Variants in CCDC15 observed in about 807,000 individuals in gnomAD.
CCDC15 encodes coiled-coil domain containing 15, also known as coiled-coil domain-containing protein 15.
CCDC15 carries 105 observed loss-of-function variants against 114.5 expected under a neutral mutation model. The observed-to-expected ratio is 0.92, with a 90% confidence interval of 0.78 to 1.08. The LOEUF (loss-of-function observed/expected upper bound fraction) is 1.08. CCDC15 is among the 50% of genes least tolerant of loss of function. CCDC15 has a pLI of 0.00. For missense variants in CCDC15, 1,105 were observed against 1,093.6 expected, an observed-to-expected ratio of 1.01 and a Z score of -0.15; for synonymous variants, 334 against 377.8, an observed-to-expected ratio of 0.88 and a Z score of 1.34.
In CCDC15 at chr11:124,986,705, G is replaced by T. The variant is rs374859694; in HGVS notation, c.754-37G>T. ...TGTGTGTGTGTTTGTGTGTGTGCGC[G>T]CGCGCGCGTGCGCGTTTTCATTGTT... On this transcript the variant is annotated intron_variant, in intron 6 of 15. Coordinates refer to ENST00000344762, the MANE Select transcript of CCDC15 (RefSeq NM_025004.3). 5 of 1,437,162 alleles carry T rather than the reference G, an allele frequency of 3.5e-6. No individual in the cohort carries two copies. The Admixed American group carries it at 9.0e-5, about 26-fold the overall frequency. The allele number at this position is 1,437,162 out of a possible 1,614,324, so 89.0% of individuals were successfully genotyped here.
chr11:124,995,611 C>T (rs1289191306), intron 11 of CCDC15, among the ~76,000 whole-genome samples: 1 of 152,122 alleles, frequency 6.6e-6, no homozygotes, highest in Non-Finnish European at 1.5e-5. Flanking sequence ...CAAGACACGA[C>T]ACTCAAATTT....
chr11:124,981,269 T>C (rs1439854240), intron 6 of CCDC15, among the ~76,000 whole-genome samples: 3 of 152,196 alleles, frequency 2.0e-5, no homozygotes, highest in Non-Finnish European at 4.4e-5. Flanking sequence ...GTGGAGAGTT[T>C]TGTAGATATC....
At chr11:124,962,656 T>A (rs1294131768) in intron 4 of CCDC15, among the ~76,000 whole-genome samples, 1 of 152,182 alleles carries the variant, frequency 6.6e-6, no homozygotes, top group Non-Finnish European at 1.5e-5. Context: ...TTCTTTTTTT[T>A]TTTTTATTAT....
rs878887902 is a variant in CCDC15 at position 124,986,700 on chromosome 11, T to TGTGTGTGTGTGTGCGCGCGC, written c.754-41_754-40insTGTGTGTGTGTGCGCGCGCG. On this transcript the variant is annotated intron_variant, in intron 6 of 15. Coordinates refer to ENST00000344762, the MANE Select transcript of CCDC15 (RefSeq NM_025004.3). ...GTGTGTGTGTGTGTGTTTGTGTGTG[T>TGTGTGTGTGTGTGCGCGCGC]GCGCGCGCGCGCGTGCGCGTTTTCA... 9.6e-6 allele frequency: 13 copies of TGTGTGTGTGTGTGCGCGCGC among 1,352,948 alleles called. No homozygotes were observed. The African/African-American group carries it at 1.3e-4, about 14-fold the overall frequency. The allele number at this position is 1,352,948 out of a possible 1,614,324, so 83.8% of individuals were successfully genotyped here.
chr11:124,980,552 G>A (rs549563786), intron 6 of CCDC15, among the ~76,000 whole-genome samples: 28 of 152,276 alleles, frequency 1.8e-4, no homozygotes, highest in African/African-American at 6.3e-4. Flanking sequence ...TCTAGCTTGT[G>A]TGCATAGAGG....
intron 5 of CCDC15, 108 bp from the exon 6 acceptor site, chr11:124,977,370 C>A: frequency 9.0e-7 from 1 of 1,110,914 alleles, no homozygotes; most frequent in Non-Finnish European, 1.2e-6. Flanking sequence ...TATTAGACTA[C>A]CAAAACCTAC....
chr11:124,984,592 C>T (rs748019154), intron 6 of CCDC15, among the ~76,000 whole-genome samples: 7 of 152,126 alleles, frequency 4.6e-5, no homozygotes, highest in Non-Finnish European at 7.4e-5. Context: ...GGCTTTGCAC[C>T]GGCTGGAATT....
chr11:124,954,605 G>A, intron 1 of CCDC15, 119 bp from the exon 2 acceptor site: 1 of 736,764 alleles, frequency 1.4e-6, no homozygotes, highest in South Asian at 2.0e-5. Context: ...TCCACTTCAT[G>A]CCAGGCTTCT....
intron 6 of CCDC15, among the ~76,000 whole-genome samples, chr11:124,984,002 G>T (rs1007489508): frequency 1.3e-5 from 2 of 152,156 alleles, no homozygotes; most frequent in African/African-American, 2.4e-5. Context: ...TTCATGTGCA[G>T]CAGTGGCCGT....
At chr11:124,975,408 G>A (rs1405860423) in intron 5 of CCDC15, among the ~76,000 whole-genome samples, 199 bp downstream of exon 5, 1 of 152,166 alleles carries the variant, frequency 6.6e-6, no homozygotes, top group Non-Finnish European at 1.5e-5. Context: ...AATATCTGAA[G>A]ATAAGGGAAA....
Position 124,974,251 on chromosome 11 carries a change from G to A in CCDC15, c.517-845G>A, listed in dbSNP as rs550555294. Among the ~76,000 whole-genome samples, 8 of 152,292 alleles carry A rather than the reference G, an allele frequency of 5.3e-5. No individual in the cohort carries two copies. In the South Asian group the frequency reaches 1.2e-3, roughly 24 times the overall value. On this transcript the variant is annotated intron_variant, in intron 4 of 15. Transcript: ENST00000344762. ...CTGCCTTGGCCTCCCAAAGTGCTGGGATTACAGGTGTGAGCCACCACGGCT... is the reference window on the plus strand; with the variant it reads ...CTGCCTTGGCCTCCCAAAGTGCTGGAATTACAGGTGTGAGCCACCACGGCT...
At chr11:125,030,434 G>T (rs1948730439) in intron 13 of CCDC15, among the ~76,000 whole-genome samples, 1 of 152,214 alleles carries the variant, frequency 6.6e-6, no homozygotes, top group Non-Finnish European at 1.5e-5. Flanking sequence ...TGTAAAGTCA[G>T]AGGTAATGCT....
intron 15 of CCDC15, chr11:125,039,414 A>AAT (rs151012286): frequency 1.7e-4 from 32 of 193,044 alleles, no homozygotes; most frequent in African/African-American, 6.7e-4. Flanking sequence ...CAAATACTTT[A>AAT]ATGGTATGTA....
At chr11:124,958,917 G>T (rs1947604290) in intron 2 of CCDC15, among the ~76,000 whole-genome samples, 198 bp from the exon 3 acceptor site, 1 of 152,086 alleles carries the variant, frequency 6.6e-6, no homozygotes, top group African/African-American at 2.4e-5. Flanking sequence ...GGTTCATTAA[G>T]ATTTAATGAA....
At position 125,040,601 on chromosome 11, in the gene CCDC15, G is replaced by A. The variant is rs953809165; in HGVS notation, c.2746G>A (p.Ala916Thr). Residue 916 changes from alanine (A) to threonine (T), a missense_variant, in exon 16 of 16, where the codon GCA becomes ACA. Coordinates refer to ENST00000344762, the MANE Select transcript of CCDC15 (RefSeq NM_025004.3). ...ACCTTTTTTTGCAGCATATACTCGG[G>A]CACTACATTCATTCATCAATTCCTG... Reference protein sequence around the residue: ...FYKNHRAYTRALHSFINSCDV... With the variant: ...FYKNHRAYTRTLHSFINSCDV... The A allele has an allele frequency of 3.7e-6, 6 of 1,608,624 alleles. No individual in the cohort carries two copies. The African/African-American group carries it at 8.0e-5, about 22-fold the overall frequency.
intron 11 of CCDC15, among the ~76,000 whole-genome samples, chr11:124,996,687 G>A (rs73020389): frequency 0.045 from 6,881 of 152,018 alleles, 214 homozygotes; most frequent in East Asian, 0.089. Flanking sequence ...CCATATACCC[G>A]TTAAACAGTA....
chr11:124,990,648 AC>A (rs556329683), intron 8 of CCDC15, among the ~76,000 whole-genome samples: 113 of 152,302 alleles, frequency 7.4e-4, no homozygotes, highest in Admixed American at 2.6e-3. Flanking sequence ...GCAGCATATT[AC>A]TCCAAATAAA....
intron 11 of CCDC15, among the ~76,000 whole-genome samples, chr11:125,000,733 C>A (rs943851546): frequency 6.6e-6 from 1 of 151,978 alleles, no homozygotes; most frequent in South Asian, 2.1e-4. Flanking sequence ...TAAATAACTT[C>A]TAAAATAATA....
chr11:124,970,656 G>A (rs920749858), intron 4 of CCDC15, among the ~76,000 whole-genome samples: 1 of 152,016 alleles, frequency 6.6e-6, no homozygotes, highest in African/African-American at 2.4e-5. Flanking sequence ...GACCTACATA[G>A]TATTACTAAT....
Sources: allele counts gnomAD v4.1 joint callset (sites outside exome capture counted in the v4.1 genomes callset), GRCh38; gene constraint gnomAD v4.1.1; transcripts MANE v1.5; gene names NCBI Gene and HGNC (gene_info 2026-07-23, HGNC 2026-07-21).